CNBD1: variants seen among roughly 807,000 people sequenced by gnomAD.
CNBD1 encodes cyclic nucleotide binding domain containing 1, also known as cyclic nucleotide-binding domain-containing protein 1.
CNBD1 carries 71 observed loss-of-function variants against 54.4 expected under a neutral mutation model. The ratio of observed to expected loss-of-function variants is 1.30; its 90% CI spans 1.08 to 1.59. CNBD1 has a LOEUF of 1.59. Ranked by LOEUF, CNBD1 falls within the 40% of genes most tolerant of loss-of-function variation. The pLI is 0.00. For synonymous variants in CNBD1, 182 were observed against 170.7 expected (o/e 1.07, Z -0.51); for missense variants, 659 against 518.0 (o/e 1.27, Z -2.64).
intron 4 of CNBD1, among the ~76,000 whole-genome samples, chr8:87,066,537 C>T (rs533315973): frequency 3.0e-4 from 45 of 151,876 alleles, no homozygotes; most frequent in Non-Finnish European, 5.8e-4. Context: ...TATTCTAAAA[C>T]TTTTCAATTA....
chr8:87,092,796 C>T (rs1811244043), intron 4 of CNBD1, among the ~76,000 whole-genome samples: 1 of 152,052 alleles, frequency 6.6e-6, no homozygotes, highest in South Asian at 2.1e-4. Context: ...CAGCTGGTAC[C>T]TCTCTTCTGA....
chr8:87,236,933 G>A lies in CNBD1; in HGVS notation c.592G>A (p.Gly198Arg), dbSNP rs1347003433. 1 of 1,589,612 alleles carries A rather than the reference G, an allele frequency of 6.3e-7. No homozygotes were observed. ...GTTTTTTTCAGTGGTTGCAAATGAT[G>A]GATTTTATGTAATACTGAAAGGCCT... is the stretch of plus-strand genomic sequence containing the variant. ...LKGSTVVAND[G>R]FYVILKGLAR... The change falls in exon 6 of 11, where the codon GGA becomes AGA. Residue 198 changes from glycine to arginine, a missense_variant. Gly to Arg is a moderately radical substitution (Grantham distance 125, BLOSUM62 -2). Coordinates refer to ENST00000518476, the MANE Select transcript of CNBD1 (RefSeq NM_173538.3).
chr8:87,275,803 T>G (rs373975318), intron 6 of CNBD1, among the ~76,000 whole-genome samples: 9 of 151,746 alleles, frequency 5.9e-5, no homozygotes, highest in African/African-American at 2.2e-4. Flanking sequence ...GCAGATGACA[T>G]GATTGTATAT....
At chr8:87,240,753 G>A (rs1807680381) in intron 6 of CNBD1, among the ~76,000 whole-genome samples, 1 of 152,124 alleles carries the variant, frequency 6.6e-6, no homozygotes, top group Admixed American at 6.5e-5. Flanking sequence ...TTATGTGATT[G>A]GATGTCCAAA....
chr8:87,240,065 A>C (rs1807662354), intron 6 of CNBD1, among the ~76,000 whole-genome samples: 3 of 146,424 alleles, frequency 2.0e-5, no homozygotes, highest in Non-Finnish European at 4.5e-5. Context: ...TCTGTGCCAA[A>C]ACACACACAC....
chr8:87,048,891 A>G (rs1810255871), intron 4 of CNBD1, among the ~76,000 whole-genome samples: 1 of 152,192 alleles, frequency 6.6e-6, no homozygotes, highest in Non-Finnish European at 1.5e-5. Context: ...TTTTCCCCCC[A>G]AAACAATCTT....
chr8:87,376,659 T>A (rs1172651654), intron 10 of CNBD1, among the ~76,000 whole-genome samples: 4 of 151,938 alleles, frequency 2.6e-5, no homozygotes, highest in African/African-American at 9.7e-5. Flanking sequence ...AAAGCAGTGA[T>A]TATTTACTAT....
At chr8:86,924,029 G>C (rs902786873) in intron 3 of CNBD1, among the ~76,000 whole-genome samples, 1 of 152,090 alleles carries the variant, frequency 6.6e-6, no homozygotes, top group Non-Finnish European at 1.5e-5. Flanking sequence ...AATTCAAAAT[G>C]ATATCGTTCA....
intron 5 of CNBD1, among the ~76,000 whole-genome samples, chr8:87,219,616 A>T (rs1048612111): frequency 6.6e-6 from 1 of 152,010 alleles, no homozygotes; most frequent in Non-Finnish European, 1.5e-5. Context: ...CAAGTGATAA[A>T]ATACTAAATA....
chr8:87,143,039 C>A (rs1474050954), intron 4 of CNBD1, among the ~76,000 whole-genome samples: 39 of 152,134 alleles, frequency 2.6e-4, no homozygotes, highest in Non-Finnish European at 1.5e-5. Context: ...TAATCACTTA[C>A]AAGTCAAACC....
At chr8:87,324,694 T>C (rs573628519) in intron 8 of CNBD1, among the ~76,000 whole-genome samples, 5 of 152,010 alleles carry the variant, frequency 3.3e-5, no homozygotes, top group African/African-American at 7.2e-5. Flanking sequence ...TCTTCTCTCT[T>C]TTTTTCTTAG....
chr8:87,226,596 G>T (rs538027711), intron 5 of CNBD1, among the ~76,000 whole-genome samples: 1 of 148,338 alleles, frequency 6.7e-6, no homozygotes, highest in South Asian at 2.1e-4. Context: ...TTGCACTGTG[G>T]TCTGAGAGAT....
At chr8:87,295,410 T>C (rs991478014) in intron 8 of CNBD1, among the ~76,000 whole-genome samples, 3 of 151,676 alleles carry the variant, frequency 2.0e-5, no homozygotes, top group African/African-American at 7.3e-5. Flanking sequence ...AAAGTTAAAG[T>C]ACTGCTTATT....
intron 4 of CNBD1, among the ~76,000 whole-genome samples, chr8:87,189,945 T>A (rs1183702360): frequency 6.6e-6 from 1 of 152,188 alleles, no homozygotes; most frequent in East Asian, 1.9e-4. Flanking sequence ...GTAGGTTGCT[T>A]GAAAACATGC....
chr8:86,927,232 AT>A (rs1184200572), intron 3 of CNBD1, among the ~76,000 whole-genome samples: 1 of 152,124 alleles, frequency 6.6e-6, no homozygotes, highest in Non-Finnish European at 1.5e-5. Context: ...CTATTTTCCC[AT>A]TGGAGAAAAA....
intron 10 of CNBD1, among the ~76,000 whole-genome samples, chr8:87,369,346 G>C (rs965050101): frequency 6.6e-6 from 1 of 151,930 alleles, no homozygotes; most frequent in African/African-American, 2.4e-5. Context: ...TGATTGAAAA[G>C]AGTTCCAGTG....
intron 3 of CNBD1, among the ~76,000 whole-genome samples, chr8:86,911,011 C>T (rs750552856): frequency 3.3e-5 from 5 of 152,194 alleles, no homozygotes; most frequent in Middle Eastern, 3.4e-3. Context: ...TTTGCATATC[C>T]CACGAAGAAG....
At chr8:87,223,247 T>C (rs1814385011) in intron 5 of CNBD1, among the ~76,000 whole-genome samples, 1 of 150,852 alleles carries the variant, frequency 6.6e-6, no homozygotes, top group African/African-American at 2.4e-5. Context: ...TATTTATTTA[T>C]TTATTTTTTA....
At chr8:87,208,941 A>G (rs887574133) in intron 5 of CNBD1, among the ~76,000 whole-genome samples, 1 of 152,078 alleles carries the variant, frequency 6.6e-6, no homozygotes, top group Non-Finnish European at 1.5e-5. Context: ...ACCTGCATAG[A>G]TTTTATTTTC....
Sources: allele counts gnomAD v4.1 joint callset (sites outside exome capture counted in the v4.1 genomes callset), GRCh38; gene constraint gnomAD v4.1.1; transcripts MANE v1.5; gene names NCBI Gene and HGNC (gene_info 2026-07-23, HGNC 2026-07-21).